Variants in CCDC175 observed in about 807,000 individuals in gnomAD.
CCDC175 encodes coiled-coil domain containing 175, also known as coiled-coil domain-containing protein 175.
In CCDC175, 100 loss-of-function variants were observed where a neutral mutation model predicts 114.6. The ratio of observed to expected loss-of-function variants is 0.87; its 90% confidence interval spans 0.74 to 1.03. The LOEUF (loss-of-function observed/expected upper bound fraction) is 1.03, where lower values mean the gene tolerates loss of function less well. Ranked by LOEUF, CCDC175 falls within the 50% of genes least tolerant of loss-of-function variation. The probability of loss-of-function intolerance (pLI) is 0.00; values close to 1 mark genes in which losing one functional copy is unlikely to be tolerated. For synonymous variants in CCDC175, 306 were observed against 308.7 expected (o/e 0.99, Z 0.09); for missense variants, 880 against 917.8 (o/e 0.96, Z 0.53).
chr14:59,521,533 T>C, intron 17 of CCDC175, 41 bp downstream of exon 17: 1 of 1,137,618 alleles, frequency 8.8e-7, no homozygotes. Context: ...TCTGTCCCGC[T>C]AAAGAACCCT....
chr14:59,550,596 C>G (rs1018996800), intron 8 of CCDC175, among the ~76,000 whole-genome samples: 1 of 152,050 alleles, frequency 6.6e-6, no homozygotes. Flanking sequence ...GGAGTATTAA[C>G]TCACACAATC....
At chr14:59,560,711 T>C (rs991791747) in intron 7 of CCDC175, among the ~76,000 whole-genome samples, 2 of 152,194 alleles carry the variant, frequency 1.3e-5, no homozygotes, top group African/African-American at 4.8e-5. Flanking sequence ...GAGGCTTCCC[T>C]GTATTTTCTT....
At chr14:59,514,728 T>G (rs905334055) in intron 17 of CCDC175, among the ~76,000 whole-genome samples, 1 of 152,160 alleles carries the variant, frequency 6.6e-6, no homozygotes, top group African/African-American at 2.4e-5. Flanking sequence ...TGGAACCAAG[T>G]TGGAAAACAC....
chr14:59,554,367 TG>T (rs2140084039), intron 7 of CCDC175, among the ~76,000 whole-genome samples: 1 of 152,332 alleles, frequency 6.6e-6, no homozygotes, highest in Non-Finnish European at 1.5e-5. Flanking sequence ...GAATGACTAC[TG>T]GGTACACAAT....
chr14:59,544,479 T>A (rs1303394825), intron 9 of CCDC175, among the ~76,000 whole-genome samples: 2 of 152,070 alleles, frequency 1.3e-5, no homozygotes, highest in Non-Finnish European at 2.9e-5. Context: ...CAGAAAGTAT[T>A]TTATCTAAGT....
At position 59,527,150 on chromosome 14, in the gene CCDC175, A is replaced by G; in HGVS notation, c.1787T>C (p.Leu596Pro). The G allele has an allele frequency of 6.7e-7, 1 of 1,499,888 alleles. No individual in the cohort carries two copies. Among genetic ancestry groups the G allele is most frequent in the South Asian group, 1.3e-5 (1 of 76,678 alleles). 92.9% of individuals were successfully genotyped at this position (1,499,888 alleles called of 1,614,324 possible). A position where few individuals can be genotyped will look rare whatever the true frequency, so the allele number is the denominator to read the frequency against. Residue 596 changes from leucine to proline, a missense_variant, in exon 15 of 20, where the codon CTG becomes CCG. Coordinates refer to ENST00000537690, the MANE Select transcript of CCDC175 (RefSeq NM_001164399.2). ...TGTAAACAGAAAAATGTGATTGTTCAGTAAATCTTCCTCCTGTCTTTGTGC... is the reference window on the plus strand; with the variant it reads ...TGTAAACAGAAAAATGTGATTGTTCGGTAAATCTTCCTCCTGTCTTTGTGC... ...ITAQRQEEDL[L>P]NNHIFLFTRD...
At chr14:59,539,007 C>T (rs570866155) in intron 11 of CCDC175, among the ~76,000 whole-genome samples, 167 bp from the exon 12 acceptor site, 3 of 152,332 alleles carry the variant, frequency 2.0e-5, no homozygotes, top group African/African-American at 7.2e-5. Context: ...AAAACATTAA[C>T]TGCCTCAATT....
In CCDC175 at chr14:59,533,619, C is replaced by T. The variant is rs75770289; in HGVS notation, c.1624-1709G>A. Among the ~76,000 whole-genome samples, 49 of 152,196 alleles carry T rather than the reference C, an allele frequency of 3.2e-4. 1 individual carries two copies. Among genetic ancestry groups the T allele is most frequent in the Non-Finnish European group, 4.4e-4 (30 of 68,022 alleles). ...GAAGCTAAAATGCATAGAAAAATAC[C>T]ATAATTCAAAAATATCATAATGCAG... is the stretch of plus-strand genomic sequence containing the variant. On this transcript the variant is annotated intron_variant, in intron 13 of 19. Coordinates refer to ENST00000537690, the MANE Select transcript of CCDC175 (RefSeq NM_001164399.2).
intron 6 of CCDC175, 126 bp downstream of exon 6, chr14:59,563,611 G>T: frequency 1.9e-6 from 1 of 532,314 alleles, no homozygotes; most frequent in Admixed American, 4.6e-5. Context: ...TAAAGAAAGT[G>T]TCAGAAAATG....
In CCDC175 at chr14:59,551,444, C is replaced by A. The variant is rs1484542292; in HGVS notation, c.954-8G>T. ...TTATCTGTGAAAAAACACCTATGAA[C>A]AAAGGAAGCCAAACAGATTCATATA... On this transcript the variant is annotated splice_region_variant and splice_polypyrimidine_tract_variant and intron_variant, in intron 7 of 19. Coordinates refer to ENST00000537690, the MANE Select transcript of CCDC175 (RefSeq NM_001164399.2). 9 of 1,336,082 alleles carry A rather than the reference C, an allele frequency of 6.7e-6. No individual in the cohort carries two copies. The Admixed American group carries it at 2.5e-4, about 37-fold the overall frequency. The allele number at this position is 1,336,082 out of a possible 1,614,324, so 82.8% of individuals were successfully genotyped here.
At position 59,543,340 on chromosome 14, in the gene CCDC175, A is replaced by T; in HGVS notation, c.1283+4T>A. 8.5e-7 allele frequency: 1 copy of T among 1,170,736 alleles called. No homozygotes were observed. Among genetic ancestry groups the T allele is most frequent in the Non-Finnish European group, 1.2e-6 (1 of 858,662 alleles). The allele number at this position is 1,170,736 out of a possible 1,614,324, so 72.5% of individuals were successfully genotyped here. A position where few individuals can be genotyped will look rare whatever the true frequency, so the allele number is the denominator to read the frequency against. On this transcript the variant is annotated splice_donor_region_variant and intron_variant, in intron 10 of 19. Coordinates refer to ENST00000537690, the MANE Select transcript of CCDC175 (RefSeq NM_001164399.2). ...ATAAAAAATTTCAAAGGCAACAAAC[A>T]TACTGTTGAAGTTCCTGGAGTGTGA...
chr14:59,542,330 GCCCAACTGAA>G (rs1249934621), intron 10 of CCDC175, among the ~76,000 whole-genome samples: 1 of 152,026 alleles, frequency 6.6e-6, no homozygotes, highest in Non-Finnish European at 1.5e-5. Flanking sequence ...TTGCTTCTCT[GCCCAACTGAA>G]CTATAAGCTC....
At chr14:59,526,827 G>A (rs569726524) in intron 15 of CCDC175, among the ~76,000 whole-genome samples, 1 of 152,112 alleles carries the variant, frequency 6.6e-6, no homozygotes. Context: ...ATGTTAGTTG[G>A]TTCTAGTCTC....
chr14:59,540,846 T>C (rs189767114), intron 10 of CCDC175, 100 bp from the exon 11 acceptor site: 1 of 983,038 alleles, frequency 1.0e-6, no homozygotes, highest in East Asian at 2.6e-5. Flanking sequence ...GGCTATAGTC[T>C]AATTGGGAGA....
chr14:59,512,511 C>CTTTG (rs1258454883), intron 17 of CCDC175, among the ~76,000 whole-genome samples: 1 of 152,184 alleles, frequency 6.6e-6, no homozygotes, highest in Admixed American at 6.5e-5. Context: ...TTCCTTCATA[C>CTTTG]TTTGCCCTCT....
chr14:59,509,309 G>C (rs1210147685), intron 19 of CCDC175, among the ~76,000 whole-genome samples: 1 of 152,100 alleles, frequency 6.6e-6, no homozygotes, highest in Non-Finnish European at 1.5e-5. Context: ...GGCCCACAAA[G>C]GATCCTTTAT....
chr14:59,521,521 G>T (rs1295973291), intron 17 of CCDC175, 53 bp downstream of exon 17: 1 of 967,286 alleles, frequency 1.0e-6, no homozygotes, highest in Non-Finnish European at 1.6e-6. Context: ...TATCCTATTA[G>T]TTCTGTCCCG....
chr14:59,516,679 A>G (rs1373894783), intron 17 of CCDC175, among the ~76,000 whole-genome samples: 13 of 152,336 alleles, frequency 8.5e-5, no homozygotes, highest in African/African-American at 1.2e-4. Context: ...AATAATTAAT[A>G]GCTTACCAAC....
chr14:59,538,220 C>G (rs1328378814), intron 12 of CCDC175, 66 bp from the exon 13 acceptor site: 5 of 1,331,720 alleles, frequency 3.8e-6, no homozygotes, highest in Non-Finnish European at 5.0e-6. Flanking sequence ...TTTCGAATAG[C>G]CAGGAAATTA....
Sources: allele counts gnomAD v4.1 joint callset (sites outside exome capture counted in the v4.1 genomes callset), GRCh38; gene constraint gnomAD v4.1.1; transcripts MANE v1.5; gene names NCBI Gene and HGNC (gene_info 2026-07-23, HGNC 2026-07-21).